The following LRP1B variants were observed in gnomAD, a reference collection of about 807,000 sequenced individuals.
The protein encoded by LRP1B is low-density lipoprotein receptor-related protein 1B.
A neutral mutation model predicts 556.6 loss-of-function variants in LRP1B; 217 were observed. The observed-to-expected ratio is 0.39, with a 90% confidence interval of 0.35 to 0.44. LRP1B has a LOEUF of 0.44. Among genes scored for constraint, LRP1B ranks in the 20% least tolerant of loss-of-function variants. The pLI is 1.00. For missense variants in LRP1B, 5,053 were observed against 5,620.8 expected (o/e 0.90, Z 3.23); for synonymous variants, 2,047 against 1,865.8 (o/e 1.10, Z -2.50).
intron 49 of LRP1B, among the ~76,000 whole-genome samples, chr2:140,523,462 C>T (rs1690271845): frequency 6.6e-6 from 1 of 151,880 alleles, no homozygotes; most frequent in Non-Finnish European, 1.5e-5. Flanking sequence ...TTCATTGCCC[C>T]TGAGATCTGG....
chr2:140,659,905 CTTCTT>C (rs1167265282), intron 41 of LRP1B, among the ~76,000 whole-genome samples: 19 of 152,054 alleles, frequency 1.2e-4, no homozygotes, highest in African/African-American at 4.3e-4. Context: ...TTTTTAATCT[CTTCTT>C]TAACTTTCAG....
At chr2:141,976,560 A>T (rs922965756) in intron 1 of LRP1B, among the ~76,000 whole-genome samples, 9 of 152,100 alleles carry the variant, frequency 5.9e-5, no homozygotes, top group African/African-American at 2.2e-4. Context: ...TCTTAGCAGG[A>T]CCAATCAATT....
intron 63 of LRP1B, 91 bp from the exon 64 acceptor site, chr2:140,444,770 A>T: frequency 1.3e-6 from 1 of 754,470 alleles, no homozygotes; most frequent in South Asian, 1.6e-5. Flanking sequence ...TATTTACTAT[A>T]ATAAATATAT....
intron 80 of LRP1B, among the ~76,000 whole-genome samples, chr2:140,325,264 A>T (rs1680414176): frequency 6.6e-6 from 1 of 152,116 alleles, no homozygotes. Context: ...ATAGCAACAG[A>T]GGAGCACAAG....
At chr2:140,504,914 A>G (rs573112641) in intron 53 of LRP1B, among the ~76,000 whole-genome samples, 3 of 152,314 alleles carry the variant, frequency 2.0e-5, no homozygotes, top group African/African-American at 7.2e-5. Context: ...GTGAAAAAAT[A>G]TGGTTCCAAA....
chr2:140,812,507 A>T (rs1404431710), intron 32 of LRP1B, among the ~76,000 whole-genome samples: 1 of 152,054 alleles, frequency 6.6e-6, no homozygotes, highest in Non-Finnish European at 1.5e-5. Flanking sequence ...TTTTTTATCT[A>T]GAAAATGAAT....
chr2:140,307,200 T>G (rs527742181), intron 83 of LRP1B, among the ~76,000 whole-genome samples: 58 of 152,064 alleles, frequency 3.8e-4, no homozygotes, highest in Non-Finnish European at 7.4e-4. Context: ...GTTTGATATT[T>G]AAATTGTGTA....
At chr2:141,585,090 G>C (rs1055273200) in intron 2 of LRP1B, among the ~76,000 whole-genome samples, 5 of 152,094 alleles carry the variant, frequency 3.3e-5, no homozygotes, top group Non-Finnish European at 7.4e-5. Flanking sequence ...AAAAACTTGT[G>C]AAATTAGAGA....
chr2:141,412,264 G>T (rs986922601), intron 3 of LRP1B, among the ~76,000 whole-genome samples: 1 of 152,168 alleles, frequency 6.6e-6, no homozygotes, highest in African/African-American at 2.4e-5. Context: ...TTAAAGCCCT[G>T]CTGAAGTCAT....
intron 2 of LRP1B, among the ~76,000 whole-genome samples, chr2:141,647,008 C>T (rs1480882358): frequency 6.6e-6 from 1 of 152,046 alleles, no homozygotes; most frequent in Non-Finnish European, 1.5e-5. Context: ...CTCCTTGATT[C>T]CTCCCCTTGC....
chr2:141,351,508 A>G (rs189305400), intron 3 of LRP1B, among the ~76,000 whole-genome samples: 2 of 152,140 alleles, frequency 1.3e-5, no homozygotes, highest in African/African-American at 4.8e-5. Context: ...TTAATTCAGT[A>G]CAAGGCCTAT....
At chr2:142,096,938 G>A (rs1364441743) in intron 1 of LRP1B, among the ~76,000 whole-genome samples, 1 of 151,226 alleles carries the variant, frequency 6.6e-6, no homozygotes, top group African/African-American at 2.4e-5. Flanking sequence ...AGTACTTAAT[G>A]TTTAGTTCCA....
At chr2:141,586,433 T>G (rs1312999986) in intron 2 of LRP1B, among the ~76,000 whole-genome samples, 1 of 152,188 alleles carries the variant, frequency 6.6e-6, no homozygotes, top group Non-Finnish European at 1.5e-5. Flanking sequence ...AGATTAGAGA[T>G]AGCTTTGGTC....
chr2:140,476,191 A>G (rs1487834901), intron 59 of LRP1B, among the ~76,000 whole-genome samples: 1 of 152,048 alleles, frequency 6.6e-6, no homozygotes, highest in African/African-American at 2.4e-5. Context: ...CCTCAAAGTA[A>G]GAAAAATTAC....
At chr2:142,022,969 C>G (rs1353552136) in intron 1 of LRP1B, among the ~76,000 whole-genome samples, 1 of 152,178 alleles carries the variant, frequency 6.6e-6, no homozygotes, top group Non-Finnish European at 1.5e-5. Context: ...GCCAACATGC[C>G]TGGCCAAATC....
chr2:142,130,344 C>G (rs1290412774), intron 1 of LRP1B, among the ~76,000 whole-genome samples: 5 of 152,228 alleles, frequency 3.3e-5, no homozygotes, highest in Non-Finnish European at 1.5e-5. Flanking sequence ...ATTCCAACAT[C>G]TGCAGCGCTT....
At chr2:141,077,595 T>C (rs1391301823) in intron 7 of LRP1B, among the ~76,000 whole-genome samples, 1 of 152,220 alleles carries the variant, frequency 6.6e-6, no homozygotes, top group Non-Finnish European at 1.5e-5. Flanking sequence ...GATGATTATC[T>C]TCAATACTTT....
intron 41 of LRP1B, among the ~76,000 whole-genome samples, chr2:140,617,863 T>C (rs937538035): frequency 2.0e-5 from 3 of 152,138 alleles, no homozygotes; most frequent in African/African-American, 7.2e-5. Flanking sequence ...TTAAAAACTG[T>C]TGAGAACTTT....
At chr2:141,046,199 A>G (rs1255016116) in intron 11 of LRP1B, among the ~76,000 whole-genome samples, 2 of 152,080 alleles carry the variant, frequency 1.3e-5, no homozygotes, top group Non-Finnish European at 2.9e-5. Flanking sequence ...CAAACAGCAA[A>G]CTCTTTATAC....
Sources: allele counts gnomAD v4.1 joint callset (sites outside exome capture counted in the v4.1 genomes callset), GRCh38; gene constraint gnomAD v4.1.1; transcripts MANE v1.5; gene names NCBI Gene and HGNC (gene_info 2026-07-23, HGNC 2026-07-21).